Variants in CAST observed in about 807,000 individuals in gnomAD.
CAST encodes the protein MIR583 host.
Under a neutral mutation model 119.6 loss-of-function variants are expected in CAST, and 76 were observed. That is an observed-to-expected ratio of 0.64 (90% CI 0.53 to 0.77). CAST has a LOEUF of 0.77. Ranked by LOEUF, CAST falls within the 30% of genes least tolerant of loss-of-function variation. CAST has a pLI of 0.00. For synonymous variants in CAST, 319 were observed against 331.6 expected, an observed-to-expected ratio of 0.96 and a Z score of 0.41; for missense variants, 953 against 946.5, an observed-to-expected ratio of 1.01 and a Z score of -0.09.
chr5:96,604,347 A>G (rs1747214053), intron 1 of CAST, among the ~76,000 whole-genome samples: 1 of 152,222 alleles, frequency 6.6e-6, no homozygotes, highest in Non-Finnish European at 1.5e-5. Context: ...GGTGATGAAT[A>G]AATTGGTTCC....
At chr5:96,385,622 T>C in the CAST span, among the ~76,000 whole-genome samples, 1 of 152,176 alleles carries the variant, frequency 6.6e-6, no homozygotes, top group Non-Finnish European at 1.5e-5. Flanking sequence ...GCAAAGAAAA[T>C]GTTCAGTTAA....
chr5:96,682,904 C>T (rs1399153537), intron 2 of CAST, among the ~76,000 whole-genome samples: 1 of 152,114 alleles, frequency 6.6e-6, no homozygotes, highest in Admixed American at 6.6e-5. Context: ...CCCAAGAAGG[C>T]CACTTTGTAC....
the CAST span, among the ~76,000 whole-genome samples, chr5:96,452,643 A>T: frequency 2.1e-4 from 16 of 76,872 alleles, no homozygotes; most frequent in Admixed American, 1.5e-3. Flanking sequence ...AGTATAATAA[A>T]AAAAAAAAAA....
the CAST span, among the ~76,000 whole-genome samples, chr5:96,125,796 T>A: frequency 6.6e-6 from 1 of 152,224 alleles, no homozygotes; most frequent in East Asian, 1.9e-4. Context: ...AGGGACTACT[T>A]CAGTCTGCTC....
At chr5:96,281,037 A>G in the CAST span, among the ~76,000 whole-genome samples, 1 of 152,262 alleles carries the variant, frequency 6.6e-6, no homozygotes, top group African/African-American at 2.4e-5. Flanking sequence ...AATGTAATCC[A>G]GATGTCAGTT....
the CAST span, among the ~76,000 whole-genome samples, chr5:96,474,458 G>T: frequency 6.6e-6 from 1 of 152,158 alleles, no homozygotes; most frequent in Non-Finnish European, 1.5e-5. Flanking sequence ...GGTGGGGCCT[G>T]TTGTGTGCCT....
intron 2 of CAST, among the ~76,000 whole-genome samples, chr5:96,685,530 T>C (rs977333044): frequency 6.6e-6 from 1 of 152,246 alleles, no homozygotes; most frequent in Non-Finnish European, 1.5e-5. Context: ...ATAAAAATAG[T>C]TCATTTGTGA....
chr5:96,425,003 GAAAGA>G, the CAST span, among the ~76,000 whole-genome samples: 1 of 106,410 alleles, frequency 9.4e-6, no homozygotes, highest in Non-Finnish European at 1.8e-5. Context: ...GAAAGAGAAA[GAAAGA>G]AAAGAAAGAA....
At chr5:96,562,711 C>G (rs999112869) in intron 1 of CAST, among the ~76,000 whole-genome samples, 2 of 152,114 alleles carry the variant, frequency 1.3e-5, no homozygotes, top group African/African-American at 2.4e-5. Context: ...TTTGTGATAG[C>G]AAAACATTGA....
intron 11 of CAST, among the ~76,000 whole-genome samples, chr5:96,738,859 C>T (rs534471230): frequency 2.7e-5 from 4 of 149,140 alleles, no homozygotes; most frequent in South Asian, 2.2e-4. Flanking sequence ...TGCTTGAACC[C>T]GGGAGGCAGT....
the CAST span, among the ~76,000 whole-genome samples, chr5:96,173,455 G>C: frequency 6.6e-6 from 1 of 152,216 alleles, no homozygotes; most frequent in South Asian, 2.1e-4. Flanking sequence ...GAGCTTAATT[G>C]AAACTTGAAA....
chr5:96,136,935 G>T, the CAST span, among the ~76,000 whole-genome samples: 2 of 152,104 alleles, frequency 1.3e-5, no homozygotes, highest in African/African-American at 2.4e-5. Context: ...AGCTATTTGG[G>T]TTAGCACTTT....
rs145753269 is a variant in CAST at position 96,539,040 on chromosome 5, C to T, written c.60+9160C>T. Among the ~76,000 whole-genome samples, 1,097 of 152,306 alleles carry T rather than the reference C, an allele frequency of 7.2e-3. 6 individuals carry two copies. Among genetic ancestry groups the T allele is most frequent in the Middle Eastern group, 0.01 (3 of 294 alleles). ...AAGATCTTGCTAAATCAATGACTAACATTTGCAGTTAAAACAAATCCAGAC... is the reference window on the plus strand; with the variant it reads ...AAGATCTTGCTAAATCAATGACTAATATTTGCAGTTAAAACAAATCCAGAC... On this transcript the variant is annotated intron_variant, in intron 1 of 11. Coordinates refer to the CAST transcript ENST00000505143.
At position 96,774,445 on chromosome 5, in the gene CAST, A is replaced by AGTCT. The variant is rs1440294594; in HGVS notation, c.*1830_*1833dup. 106 of 918,228 alleles carry AGTCT rather than the reference A, an allele frequency of 1.2e-4. No homozygotes were observed. Among genetic ancestry groups the AGTCT allele is most frequent in the Non-Finnish European group, 1.4e-4 (104 of 766,870 alleles). The allele number at this position is 918,228 out of a possible 1,614,324, so 56.9% of individuals were successfully genotyped here. ...CAGGATCTAAAGCAGCCCTTTTTACAGTCTAGTTAGGAGAGAGAAAATAAT... is the reference window on the plus strand; with the variant it reads ...CAGGATCTAAAGCAGCCCTTTTTACAGTCTGTCTAGTTAGGAGAGAGAAAATAAT... On this transcript the variant is annotated 3_prime_UTR_variant, in exon 32 of 32. Transcript: ENST00000675179.
the CAST span, among the ~76,000 whole-genome samples, chr5:96,074,312 G>A: frequency 5.3e-5 from 8 of 152,216 alleles, no homozygotes; most frequent in African/African-American, 1.9e-4. Context: ...CCCCAGTGTG[G>A]TGGTATTTGG....
chr5:95,991,539 T>C, the CAST span, among the ~76,000 whole-genome samples: 2 of 124,992 alleles, frequency 1.6e-5, no homozygotes, highest in Admixed American at 1.9e-4. Flanking sequence ...AAGGTCTCAC[T>C]CTGTCACCCA....
intron 2 of CAST, among the ~76,000 whole-genome samples, chr5:96,688,642 TTATAA>T (rs569027479): frequency 1.3e-5 from 2 of 151,820 alleles, no homozygotes; most frequent in Admixed American, 6.5e-5. Flanking sequence ...TATAACATAC[TTATAA>T]TATGTTATCA....
At chr5:96,161,291 A>C in the CAST span, among the ~76,000 whole-genome samples, 9 of 152,092 alleles carry the variant, frequency 5.9e-5, no homozygotes, top group Admixed American at 5.9e-4. Flanking sequence ...TTTGTACATA[A>C]AGTGTGGTAG....
chr5:96,622,570 C>A (rs894085314), intron 1 of CAST, among the ~76,000 whole-genome samples: 1 of 151,998 alleles, frequency 6.6e-6, no homozygotes, highest in African/African-American at 2.4e-5. Flanking sequence ...ATCTTTCTGT[C>A]CCTCAATGCT....
Sources: allele counts gnomAD v4.1 joint callset (sites outside exome capture counted in the v4.1 genomes callset), GRCh38; gene constraint gnomAD v4.1.1; transcripts MANE v1.5; gene names NCBI Gene and HGNC (gene_info 2026-07-23, HGNC 2026-07-21).